The following ALK variants were observed in gnomAD, a reference collection of about 807,000 sequenced individuals.
ALK encodes ALK receptor tyrosine kinase, also known as ALK tyrosine kinase receptor.
A neutral mutation model predicts 163.1 loss-of-function variants in ALK; 74 were observed. That is an observed-to-expected ratio of 0.45 (90% CI 0.38 to 0.55). The LOEUF (loss-of-function observed/expected upper bound fraction) is 0.55. Among genes scored for constraint, ALK ranks in the 20% least tolerant of loss-of-function variants. The pLI is 0.00. For synonymous variants in ALK, 960 were observed against 843.2 expected, an observed-to-expected ratio of 1.14 and a Z score of -2.40; for missense variants, 2,063 against 2,105.3, an observed-to-expected ratio of 0.98 and a Z score of 0.39.
At chr2:29,871,059 T>A (rs1666564119) in intron 1 of ALK, among the ~76,000 whole-genome samples, 1 of 152,206 alleles carries the variant, frequency 6.6e-6, no homozygotes. Context: ...CCTTTTTCAA[T>A]CCTGTGGGGA....
intron 3 of ALK, among the ~76,000 whole-genome samples, chr2:29,547,188 T>G (rs1673578767): frequency 6.6e-6 from 1 of 152,252 alleles, no homozygotes; most frequent in Non-Finnish European, 1.5e-5. Flanking sequence ...AACTTCCTCC[T>G]CATACATTCT....
At chr2:29,676,010 G>T (rs913808371) in intron 3 of ALK, among the ~76,000 whole-genome samples, 1 of 151,994 alleles carries the variant, frequency 6.6e-6, no homozygotes, top group African/African-American at 2.4e-5. Context: ...ACAGGTGTGG[G>T]TGATGGCACC....
rs114993580 is a variant in ALK at position 29,710,572 on chromosome 2, G to C, written c.787+7006C>G. On this transcript the variant is annotated intron_variant, in intron 2 of 28. Coordinates refer to ENST00000389048, the MANE Select transcript of ALK (RefSeq NM_004304.5). ...GTTCTGTCACCCAGGCTGGAATACA[G>C]AGTCACACTCTCGCCTCACTGCAAC... is the stretch of plus-strand genomic sequence containing the variant. Among the ~76,000 whole-genome samples, 779 of 151,746 alleles carry C rather than the reference G, an allele frequency of 5.1e-3. 11 individuals carry two copies. The highest frequency in any genetic ancestry group is 0.017 in the African/African-American group (712 of 41,374).
chr2:29,782,624 C>T lies in ALK; in HGVS notation c.668-64927G>A, dbSNP rs147451065. On this transcript the variant is annotated intron_variant, in intron 1 of 28. Transcript: ENST00000389048. The stretch of plus-strand genomic sequence containing the variant: ...TTTGTCAGTCTTCCAGGAAGGGAGA[C>T]CAATTCCCAGGGAATACCTTTAGGA... Among the ~76,000 whole-genome samples, 391 of 152,260 alleles carry T rather than the reference C, an allele frequency of 2.6e-3. 1 individual carries two copies. The highest frequency in any genetic ancestry group is 9.1e-3 in the African/African-American group (380 of 41,558).
intron 4 of ALK, among the ~76,000 whole-genome samples, chr2:29,511,756 A>C (rs1054351418): frequency 6.6e-6 from 1 of 152,208 alleles, no homozygotes; most frequent in African/African-American, 2.4e-5. Flanking sequence ...TTGTATTCTC[A>C]CCAGTAGTAT....
chr2:29,568,578 C>A (rs1229713112), intron 3 of ALK, among the ~76,000 whole-genome samples: 1 of 152,188 alleles, frequency 6.6e-6, no homozygotes, highest in African/African-American at 2.4e-5. Context: ...ACTCCACACC[C>A]ACTCCAGAAG....
chr2:29,690,457 T>C (rs1678361780), intron 3 of ALK, among the ~76,000 whole-genome samples: 1 of 152,068 alleles, frequency 6.6e-6, no homozygotes, highest in Non-Finnish European at 1.5e-5. Flanking sequence ...TGAGAGTGTG[T>C]TTTCCATTTT....
intron 4 of ALK, among the ~76,000 whole-genome samples, chr2:29,492,083 T>C (rs765630833): frequency 6.6e-6 from 1 of 152,152 alleles, no homozygotes; most frequent in Non-Finnish European, 1.5e-5. Flanking sequence ...CAAAAGCTAA[T>C]CATGAAAAAT....
At chr2:29,393,916 C>T (rs1335463095) in intron 4 of ALK, among the ~76,000 whole-genome samples, 1 of 152,168 alleles carries the variant, frequency 6.6e-6, no homozygotes, top group Non-Finnish European at 1.5e-5. Context: ...ACAGAAAGAT[C>T]AGGAAACAAA....
intron 5 of ALK, among the ~76,000 whole-genome samples, chr2:29,374,184 G>A (rs971868573): frequency 2.0e-5 from 3 of 152,192 alleles, no homozygotes; most frequent in Admixed American, 1.3e-4. Context: ...GAGAGAGGAT[G>A]AGAATACGTA....
chr2:29,257,996 G>A (rs1001764697), intron 11 of ALK, among the ~76,000 whole-genome samples: 2 of 152,212 alleles, frequency 1.3e-5, no homozygotes, highest in Admixed American at 6.5e-5. Context: ...ATGCCACCAT[G>A]CTCAGCTAAA....
At position 29,701,384 on chromosome 2, in the gene ALK, G is replaced by A. The variant is rs187383777; in HGVS notation, c.788-6370C>T. Among the ~76,000 whole-genome samples the A allele has an allele frequency of 8.5e-5, 13 of 152,320 alleles. No individual in the cohort carries two copies. In the East Asian group the frequency reaches 2.3e-3, roughly 27 times the overall value. On this transcript the variant is annotated intron_variant, in intron 2 of 28. Coordinates refer to ENST00000389048, the MANE Select transcript of ALK (RefSeq NM_004304.5). ...TGCCCAGTTTCCAGGTGAATGTAGG[G>A]TGGCAGGGCCTTAAAGGGCAGCCCC...
intron 1 of ALK, among the ~76,000 whole-genome samples, chr2:29,786,114 C>T (rs1412857602): frequency 6.6e-6 from 1 of 152,126 alleles, no homozygotes; most frequent in African/African-American, 2.4e-5. Flanking sequence ...TTGACGTTCC[C>T]CTTTTAATGA....
intron 4 of ALK, among the ~76,000 whole-genome samples, chr2:29,428,624 TAAAG>T (rs1208767605): frequency 6.6e-6 from 1 of 151,926 alleles, no homozygotes; most frequent in African/African-American, 2.4e-5. Context: ...AATTAGTAAT[TAAAG>T]AAATTACCTA....
intron 3 of ALK, among the ~76,000 whole-genome samples, chr2:29,657,087 C>A (rs776401721): frequency 6.6e-6 from 1 of 152,066 alleles, no homozygotes; most frequent in Non-Finnish European, 1.5e-5. Context: ...ATAGGTGGAT[C>A]TTTTGTGATC....
chr2:29,303,342 A>G (rs1379697423), intron 8 of ALK, among the ~76,000 whole-genome samples: 5 of 152,212 alleles, frequency 3.3e-5, no homozygotes, highest in Admixed American at 3.3e-4. Context: ...ATACCATCTC[A>G]CACCAGTCAG....
intron 3 of ALK, among the ~76,000 whole-genome samples, chr2:29,689,463 C>T (rs896190217): frequency 2.0e-5 from 3 of 152,174 alleles, no homozygotes; most frequent in African/African-American, 4.8e-5. Flanking sequence ...CTTTTAAGAA[C>T]ATGGCAAACT....
Position 29,750,630 on chromosome 2 carries a change from GGGAAGGAAGGAAGGAAGGAAGGAAGGAA to G in ALK, c.668-32961_668-32934del, listed in dbSNP as rs1189354098. On this transcript the variant is annotated intron_variant, in intron 1 of 28. Transcript: ENST00000389048. ...GGAGTGGAGTGTAACGGAACAGAAT[GGGAAGGAAGGAAGGAAGGAAGGAAGGAA>G]GGAAGGAAGGAAGGAAGGAAGGAAG... Among the ~76,000 whole-genome samples, 123 of 71,900 alleles carry G rather than the reference GGGAAGGAAGGAAGGAAGGAAGGAAGGAA, an allele frequency of 1.7e-3. 2 individuals are homozygous for G. Among genetic ancestry groups the G allele is most frequent in the African/African-American group, 5.9e-3 (113 of 19,174 alleles). The allele number at this position is 71,900 out of a possible 152,430, so 47.2% of individuals were successfully genotyped here. A position where few individuals can be genotyped will look rare whatever the true frequency, so the allele number is the denominator to read the frequency against.
intron 3 of ALK, among the ~76,000 whole-genome samples, chr2:29,562,422 C>T (rs780838763): frequency 1.3e-5 from 2 of 152,198 alleles, no homozygotes; most frequent in Non-Finnish European, 2.9e-5. Context: ...GGCCTCCTTT[C>T]CAGGCCTGTA....
Sources: allele counts gnomAD v4.1 joint callset (sites outside exome capture counted in the v4.1 genomes callset), GRCh38; gene constraint gnomAD v4.1.1; transcripts MANE v1.5; gene names NCBI Gene and HGNC (gene_info 2026-07-23, HGNC 2026-07-21).